The following TMEM132D variants were observed in gnomAD, a reference collection of about 807,000 sequenced individuals.
The protein encoded by TMEM132D is transmembrane protein 132D.
TMEM132D carries 21 observed loss-of-function variants against 62.3 expected under a neutral mutation model. The observed-to-expected ratio is 0.34, with a 90% CI of 0.24 to 0.49. The LOEUF (loss-of-function observed/expected upper bound fraction) is 0.49, where lower values mean the gene tolerates loss of function less well. Ranked by LOEUF, TMEM132D falls within the 20% of genes least tolerant of loss-of-function variation. TMEM132D has a pLI of 0.99. For synonymous variants in TMEM132D, 621 were observed against 575.6 expected, an observed-to-expected ratio of 1.08 and a Z score of -1.13; for missense variants, 1,346 against 1,402.8, an observed-to-expected ratio of 0.96 and a Z score of 0.65.
intron 5 of TMEM132D, among the ~76,000 whole-genome samples, chr12:129,191,292 GAC>G (rs56128227): frequency 0.16 from 23,827 of 145,102 alleles, 2,214 homozygotes; most frequent in East Asian, 0.42. Flanking sequence ...AGGGAAATAG[GAC>G]ACACACACAC....
intron 5 of TMEM132D, among the ~76,000 whole-genome samples, chr12:129,140,506 T>C (rs1336720572): frequency 6.6e-6 from 1 of 152,140 alleles, no homozygotes; most frequent in Admixed American, 6.6e-5. Flanking sequence ...TTTTACAGTA[T>C]AGAGTCTTTT....
At chr12:129,868,621 C>T (rs1305769030) in intron 1 of TMEM132D, among the ~76,000 whole-genome samples, 2 of 152,152 alleles carry the variant, frequency 1.3e-5, no homozygotes, top group Non-Finnish European at 2.9e-5. Flanking sequence ...TTCTCTATGC[C>T]CTGTACCCCT....
intron 2 of TMEM132D, among the ~76,000 whole-genome samples, chr12:129,536,555 T>G (rs1200374268): frequency 6.6e-6 from 1 of 152,200 alleles, no homozygotes; most frequent in Non-Finnish European, 1.5e-5. Flanking sequence ...ACATTTTGCT[T>G]ATATGATGAA....
intron 3 of TMEM132D, among the ~76,000 whole-genome samples, chr12:129,348,685 T>G (rs1436329458): frequency 6.6e-6 from 1 of 152,178 alleles, no homozygotes; most frequent in Non-Finnish European, 1.5e-5. Context: ...CAAACCTGCA[T>G]GTTCTGCACA....
At position 129,585,994 on chromosome 12, in the gene TMEM132D, T is replaced by C. The variant is rs373414251; in HGVS notation, c.969-54789A>G. Among the ~76,000 whole-genome samples the C allele has an allele frequency of 3.3e-5, 5 of 152,158 alleles. No homozygotes were observed. The East Asian group carries it at 7.7e-4, about 23-fold the overall frequency. ...ATGCACTGCAGAATTGTAATAATAA[T>C]AATTAAAGGAGAATTGTGCTGAAAT... On this transcript the variant is annotated intron_variant, in intron 2 of 8. Coordinates refer to ENST00000422113, the MANE Select transcript of TMEM132D (RefSeq NM_133448.3).
At position 129,168,328 on chromosome 12, in the gene TMEM132D, T is replaced by G. The variant is rs542797938; in HGVS notation, c.1443+41192A>C. Among the ~76,000 whole-genome samples, 32 of 152,172 alleles carry G rather than the reference T, an allele frequency of 2.1e-4. No homozygotes were observed. The South Asian group carries it at 6.0e-3, about 29-fold the overall frequency. On this transcript the variant is annotated intron_variant, in intron 5 of 8. Coordinates refer to ENST00000422113, the MANE Select transcript of TMEM132D (RefSeq NM_133448.3). ...AAATTATCCTTTAAAAGTATAAAAT[T>G]AAGTGATTTTTAGTATATTCTCAGA...
Position 129,450,378 on chromosome 12 carries a change from G to A in TMEM132D, c.1115+80681C>T, listed in dbSNP as rs58364249. ...TTGAATCCATCTTGAGTGAATTTTT[G>A]TACAGTCTGTATAACAAACCCCCAT... On this transcript the variant is annotated intron_variant, in intron 3 of 8. Transcript: ENST00000422113. Among the ~76,000 whole-genome samples, 701 of 152,134 alleles carry A rather than the reference G, an allele frequency of 4.6e-3. 3 individuals are homozygous for A. Among genetic ancestry groups the A allele is most frequent in the African/African-American group, 0.016 (658 of 41,524 alleles).
chr12:129,673,054 A>G (rs1266606550), intron 2 of TMEM132D, among the ~76,000 whole-genome samples: 1 of 152,180 alleles, frequency 6.6e-6, no homozygotes, highest in South Asian at 2.1e-4. Flanking sequence ...GGCCAGTTCT[A>G]TGAGTTTTAA....
At chr12:129,694,964 C>G (rs780543540) in intron 2 of TMEM132D, among the ~76,000 whole-genome samples, 1 of 152,152 alleles carries the variant, frequency 6.6e-6, no homozygotes, top group African/African-American at 2.4e-5. Context: ...GCCGAGACCA[C>G]GCCATTGCAC....
chr12:129,333,467 G>A (rs774113380), intron 4 of TMEM132D, among the ~76,000 whole-genome samples: 11 of 152,136 alleles, frequency 7.2e-5, no homozygotes, highest in South Asian at 4.2e-4. Context: ...GGAGATATAC[G>A]GGGAACTTTT....
At chr12:129,166,569 A>T (rs1877557325) in intron 5 of TMEM132D, among the ~76,000 whole-genome samples, 1 of 151,976 alleles carries the variant, frequency 6.6e-6, no homozygotes, top group Non-Finnish European at 1.5e-5. Context: ...GATTACTAAA[A>T]CACAGAAACG....
intron 3 of TMEM132D, among the ~76,000 whole-genome samples, chr12:129,517,428 G>A (rs557095542): frequency 4.6e-5 from 7 of 152,222 alleles, no homozygotes; most frequent in East Asian, 3.9e-4. Context: ...ATACTTCAAC[G>A]AAAAGGGGTG....
At chr12:129,612,121 G>A (rs1180808763) in intron 2 of TMEM132D, among the ~76,000 whole-genome samples, 1 of 152,192 alleles carries the variant, frequency 6.6e-6, no homozygotes, top group Non-Finnish European at 1.5e-5. Context: ...AAGGAGAGCT[G>A]GGGAGCACAC....
intron 4 of TMEM132D, among the ~76,000 whole-genome samples, chr12:129,320,870 T>A (rs201780147): frequency 1.3e-5 from 2 of 152,236 alleles, no homozygotes; most frequent in East Asian, 3.9e-4. Flanking sequence ...TGGTATTGGG[T>A]TGGATATAAG....
At chr12:129,362,795 T>C (rs1870289134) in intron 3 of TMEM132D, among the ~76,000 whole-genome samples, 2 of 152,118 alleles carry the variant, frequency 1.3e-5, no homozygotes, top group Non-Finnish European at 2.9e-5. Flanking sequence ...TACGGTAGAA[T>C]TGGCAAGGAA....
rs2135604166 is a variant in TMEM132D at position 129,074,678 on chromosome 12, C to T, written c.2497G>A (p.Glu833Lys). The T allele has an allele frequency of 6.2e-7, 1 of 1,614,158 alleles. No homozygotes were observed. The highest frequency in any genetic ancestry group is 8.5e-7 in the Non-Finnish European group (1 of 1,180,040). ...SDRRPKKPSQ[E>K]WGSQEGQYYG... is the part of the protein sequence containing the mutation. ...TACTGTCCTTCCTGACTCCCCCATT[C>T]CTGCGAGGGTTTTTTGGGCCTTCTG... The change falls in exon 9 of 9, where the codon GAA (glutamate) becomes AAA (lysine). Residue 833 changes from glutamate to lysine, a missense_variant. By Grantham distance (56) the Glu-to-Lys change is moderately conservative (BLOSUM62 1). Transcript: ENST00000422113.
At chr12:129,196,749 T>A (rs923978284) in intron 5 of TMEM132D, among the ~76,000 whole-genome samples, 28 of 152,166 alleles carry the variant, frequency 1.8e-4, no homozygotes, top group African/African-American at 6.8e-4. Flanking sequence ...TTGTCCAGAT[T>A]TGACTATCAA....
chr12:129,654,138 A>T (rs1333509063), intron 2 of TMEM132D, among the ~76,000 whole-genome samples: 2 of 152,108 alleles, frequency 1.3e-5, no homozygotes, highest in Non-Finnish European at 2.9e-5. Flanking sequence ...CATAGATGTG[A>T]AGTGTTATTT....
At chr12:129,851,337 C>A (rs1299042640) in intron 1 of TMEM132D, among the ~76,000 whole-genome samples, 2 of 152,198 alleles carry the variant, frequency 1.3e-5, no homozygotes, top group Non-Finnish European at 2.9e-5. Context: ...ATTATAGAGA[C>A]TCTTTTAAAC....
Sources: allele counts gnomAD v4.1 joint callset (sites outside exome capture counted in the v4.1 genomes callset), GRCh38; gene constraint gnomAD v4.1.1; transcripts MANE v1.5; gene names NCBI Gene and HGNC (gene_info 2026-07-23, HGNC 2026-07-21).